Variants in CACNB4 observed in about 807,000 individuals in gnomAD.
The protein encoded by CACNB4 is voltage-dependent L-type calcium channel subunit beta-4.
CACNB4 carries 32 observed loss-of-function variants against 71.2 expected under a neutral mutation model. That is an observed-to-expected ratio of 0.45 (90% CI 0.34 to 0.60). CACNB4 has a LOEUF of 0.60. Ranked by LOEUF, CACNB4 falls within the 20% of genes least tolerant of loss-of-function variation. CACNB4 has a pLI of 0.01. For synonymous variants in CACNB4, 231 were observed against 236.9 expected, an observed-to-expected ratio of 0.97 and a Z score of 0.23; for missense variants, 464 against 647.9, an observed-to-expected ratio of 0.72 and a Z score of 3.08.
intron 3 of CACNB4, among the ~76,000 whole-genome samples, chr2:151,882,034 C>T (rs983089895): frequency 1.3e-5 from 2 of 151,822 alleles, no homozygotes; most frequent in Non-Finnish European, 2.9e-5. Flanking sequence ...GTGCACACCA[C>T]CACGCCCAGC....
chr2:151,978,476 C>T (rs2099874181), intron 2 of CACNB4, among the ~76,000 whole-genome samples: 1 of 152,186 alleles, frequency 6.6e-6, no homozygotes, highest in Non-Finnish European at 1.5e-5. Context: ...TGGAGCCAGA[C>T]TGCCTGCATA....
In CACNB4 at chr2:151,839,178, GTTT is replaced by G; in HGVS notation, c.1501_1503del (p.Lys501del). On this transcript the variant is annotated inframe_deletion, in exon 14 of 14. Coordinates refer to ENST00000539935, the MANE Select transcript of CACNB4 (RefSeq NM_000726.5). ...CCAGGTGATCCTCGGTTCCTATGGGGTTTGTAAGTGTCCTGGTATGAGTCAGGG... is the reference window on the plus strand; with the variant it reads ...CCAGGTGATCCTCGGTTCCTATGGGGGTAAGTGTCCTGGTATGAGTCAGGG... 1 of 1,613,530 alleles carries G rather than the reference GTTT, an allele frequency of 6.2e-7. No individual in the cohort carries two copies. Among genetic ancestry groups the G allele is most frequent in the Non-Finnish European group, 8.5e-7 (1 of 1,179,494 alleles).
chr2:151,890,632 G>T (rs1312214141), intron 2 of CACNB4, among the ~76,000 whole-genome samples: 1 of 152,088 alleles, frequency 6.6e-6, no homozygotes, highest in Non-Finnish European at 1.5e-5. Flanking sequence ...AAACATTTTA[G>T]CTGCCTTCAG....
chr2:152,029,503 AAAAAAAAAGAAAAGAAAAG>A (rs1684153709), intron 2 of CACNB4, among the ~76,000 whole-genome samples: 4 of 120,252 alleles, frequency 3.3e-5, no homozygotes, highest in Non-Finnish European at 4.8e-5. Flanking sequence ...CAAAAAAAAA[AAAAAAAAAGAAAAGAAAAG>A]AAAAGAAAAG....
intron 2 of CACNB4, among the ~76,000 whole-genome samples, chr2:151,999,044 C>CT (rs1375902734): frequency 6.6e-6 from 1 of 152,244 alleles, no homozygotes. Context: ...GAGAACAGTT[C>CT]TTGCAGCTTT....
At chr2:151,856,051 C>A (rs1235689007) in intron 10 of CACNB4, among the ~76,000 whole-genome samples, 1 of 150,250 alleles carries the variant, frequency 6.7e-6, no homozygotes, top group Non-Finnish European at 1.5e-5. Flanking sequence ...CATCTAGATG[C>A]AAATCTATCT....
rs538661425 is a variant in CACNB4 at position 152,090,736 on chromosome 2, ATATT to A, written c.147+7590_147+7593del. ...GTACCATTCTAAAACTAAAGGATAA[ATATT>A]TATTCTACAGAAATGAAATTTAGGG... On this transcript the variant is annotated intron_variant, in intron 2 of 13. Transcript: ENST00000539935. Among the ~76,000 whole-genome samples the A allele has an allele frequency of 5.8e-4, 89 of 152,274 alleles. 2 individuals are homozygous for A. The highest frequency in any genetic ancestry group is 4.4e-3 in the Admixed American group (68 of 15,284).
intron 2 of CACNB4, among the ~76,000 whole-genome samples, chr2:152,032,730 T>A (rs972519477): frequency 6.6e-6 from 1 of 151,876 alleles, no homozygotes; most frequent in East Asian, 1.9e-4. Context: ...CTTTGGGAGG[T>A]TGAGGCAGGA....
intron 2 of CACNB4, among the ~76,000 whole-genome samples, chr2:151,994,243 T>C (rs1457822216): frequency 1.3e-5 from 2 of 152,106 alleles, no homozygotes; most frequent in East Asian, 3.9e-4. Context: ...CTTTTCTTTT[T>C]TTTTCAGACA....
chr2:152,044,458 T>A (rs1381973930), intron 2 of CACNB4, among the ~76,000 whole-genome samples: 3 of 152,178 alleles, frequency 2.0e-5, no homozygotes, highest in Admixed American at 6.5e-5. Context: ...GACCTTGTGA[T>A]CCGCCTGCCT....
intron 2 of CACNB4, among the ~76,000 whole-genome samples, chr2:151,933,092 G>C (rs1193977473): frequency 1.3e-5 from 2 of 151,488 alleles, no homozygotes; most frequent in Non-Finnish European, 2.9e-5. Context: ...AAACCACCCA[G>C]TTGGTGGTAC....
chr2:152,021,401 C>G (rs1215040982), intron 2 of CACNB4, among the ~76,000 whole-genome samples: 1 of 152,052 alleles, frequency 6.6e-6, no homozygotes. Context: ...AGGGTTAAAA[C>G]TTCAAATAAG....
intron 5 of CACNB4, among the ~76,000 whole-genome samples, chr2:151,874,563 G>T (rs1202545242): frequency 6.6e-6 from 1 of 151,950 alleles, no homozygotes; most frequent in East Asian, 1.9e-4. Flanking sequence ...TGCTAAAAAA[G>T]ATTGGTAATT....
At chr2:151,921,885 G>A (rs951691031) in intron 2 of CACNB4, among the ~76,000 whole-genome samples, 9 of 151,646 alleles carry the variant, frequency 5.9e-5, no homozygotes, top group East Asian at 1.9e-4. Flanking sequence ...CTTCCCCTTC[G>A]CCTTCCGCCA....
intron 2 of CACNB4, among the ~76,000 whole-genome samples, chr2:152,087,695 T>C (rs191900468): frequency 2.8e-4 from 42 of 151,892 alleles, no homozygotes; most frequent in Non-Finnish European, 5.7e-4. Context: ...CTTGGCAACA[T>C]AGCAAGACCC....
chr2:151,882,924 G>C, intron 3 of CACNB4: 1 of 368,282 alleles, frequency 2.7e-6, no homozygotes, highest in South Asian at 2.3e-5. Flanking sequence ...AATGGATGAG[G>C]AGGGGCCAGG....
At chr2:151,982,500 G>A (rs187382889) in intron 2 of CACNB4, among the ~76,000 whole-genome samples, 9 of 152,228 alleles carry the variant, frequency 5.9e-5, no homozygotes, top group African/African-American at 2.2e-4. Flanking sequence ...CAGGCGTGGT[G>A]GCTGGCGCCT....
intron 2 of CACNB4, among the ~76,000 whole-genome samples, chr2:151,943,471 C>T (rs531125480): frequency 5.3e-5 from 8 of 151,860 alleles, no homozygotes; most frequent in Admixed American, 2.0e-4. Flanking sequence ...AAATGTTGGC[C>T]AGATTGGATA....
chr2:151,943,829 A>C (rs2099864870), intron 2 of CACNB4, among the ~76,000 whole-genome samples: 1 of 152,194 alleles, frequency 6.6e-6, no homozygotes, highest in Non-Finnish European at 1.5e-5. Context: ...CTGGCAGATG[A>C]AAAAAGGACA....
Sources: gnomAD v4.1 joint callset for allele counts (sites outside exome capture counted in the v4.1 genomes callset) on GRCh38, gnomAD v4.1.1 for gene constraint, MANE v1.5 for transcripts, NCBI Gene and HGNC (gene_info 2026-07-23, HGNC 2026-07-21) for gene names.